Variants in ESPNL observed in about 807,000 individuals in gnomAD.
The protein encoded by ESPNL is espin like, also known as espin-like protein.
A neutral mutation model predicts 46.8 loss-of-function variants in ESPNL; 49 were observed. That is an observed-to-expected ratio of 1.05 (90% CI 0.83 to 1.33). The LOEUF (loss-of-function observed/expected upper bound fraction) is 1.33. Ranked by LOEUF, ESPNL falls within the 40% of genes most tolerant of loss-of-function variation. The pLI is 0.00. For synonymous variants in ESPNL, 664 were observed against 662.1 expected (o/e 1.00, Z -0.04); for missense variants, 1,540 against 1,436.6 (o/e 1.07, Z -1.16).
At chr2:238,112,921 T>A (rs1691742734) in intron 4 of ESPNL, among the ~76,000 whole-genome samples, 1 of 152,238 alleles carries the variant, frequency 6.6e-6, no homozygotes, top group Non-Finnish European at 1.5e-5. Context: ...TTTATCAACG[T>A]TGCATATGTT....
intron 5 of ESPNL, among the ~76,000 whole-genome samples, chr2:238,121,201 C>G (rs903287272): frequency 5.9e-5 from 9 of 152,212 alleles, no homozygotes; most frequent in African/African-American, 2.2e-4. Context: ...CCCCTCCCCT[C>G]TGCTAGCCAA....
intron 1 of ESPNL, 57 bp downstream of exon 1, chr2:238,100,770 G>A: frequency 7.3e-7 from 1 of 1,369,532 alleles, no homozygotes. Flanking sequence ...GAACCAGGGA[G>A]GTGTGAGCCA....
intron 2 of ESPNL, among the ~76,000 whole-genome samples, chr2:238,103,705 C>A (rs1040844817): frequency 2.6e-5 from 4 of 152,228 alleles, no homozygotes; most frequent in Non-Finnish European, 5.9e-5. Context: ...GGTGAAAGCA[C>A]GGATCCTCCC....
At position 238,130,069 on chromosome 2, in the gene ESPNL, G is replaced by T; in HGVS notation, c.1414-59G>T. 4 of 1,551,852 alleles carry T rather than the reference G, an allele frequency of 2.6e-6. No individual in the cohort carries two copies. The South Asian group carries it at 4.9e-5, about 19-fold the overall frequency. Reference sequence around the variant, plus strand: ...TGAGAACTCAGGGACTTGGAAGCTAGGTGGGCTGATGGTGGGTGGGTGGGC... The same window carrying T: ...TGAGAACTCAGGGACTTGGAAGCTATGTGGGCTGATGGTGGGTGGGTGGGC... On this transcript the variant is annotated intron_variant, in intron 8 of 8. Coordinates refer to ENST00000343063, the MANE Select transcript of ESPNL (RefSeq NM_194312.4).
At position 238,128,787 on chromosome 2, in the gene ESPNL, C is replaced by T. The variant is rs764172391; in HGVS notation, c.1296C>T (p.Ile432=). 1.2e-5 allele frequency: 19 copies of T among 1,576,172 alleles called. No individual in the cohort carries two copies. The South Asian group carries it at 2.0e-4, about 16-fold the overall frequency. Residue 432 remains isoleucine (I), a synonymous_variant, in exon 8 of 9, where the codon ATC becomes ATT. Coordinates refer to ENST00000343063, the MANE Select transcript of ESPNL (RefSeq NM_194312.4). ...TGGATGGGCTGCCCTCAGGCGACAT[C>T]GACGGGCTGGTGCCCACGCGGGATG... ...LQLDGLPSGD[I]DGLVPTRDER... is the part of the protein sequence containing the mutation.
chr2:238,127,444 C>A, intron 6 of ESPNL, 178 bp from the exon 7 acceptor site: 1 of 1,375,400 alleles, frequency 7.3e-7, no homozygotes, highest in Non-Finnish European at 9.4e-7. Flanking sequence ...CCACTGACTC[C>A]CCAGAGAAGG....
At position 238,100,353 on chromosome 2, in the gene ESPNL, T is replaced by C; in HGVS notation, c.-67T>C. 7.7e-7 allele frequency: 1 copy of C among 1,300,786 alleles called. No homozygotes were observed. Among genetic ancestry groups the C allele is most frequent in the Non-Finnish European group, 9.9e-7 (1 of 1,005,290 alleles). The allele number at this position is 1,300,786 out of a possible 1,614,324, so 80.6% of individuals were successfully genotyped here. A position where few individuals can be genotyped will look rare whatever the true frequency, so the allele number is the denominator to read the frequency against. On this transcript the variant is annotated 5_prime_UTR_variant, in exon 1 of 9. Transcript: ENST00000343063. ...TATCGGGTAACCAGAGCCGGCAGCT[T>C]CATCCACGTCTGAAACAGGAAGCCC...
intron 3 of ESPNL, among the ~76,000 whole-genome samples, chr2:238,106,575 G>A (rs1691603484): frequency 6.6e-6 from 1 of 152,222 alleles, no homozygotes; most frequent in South Asian, 2.1e-4. Flanking sequence ...CTCTGGACCT[G>A]GGTCCCACCC....
rs1017046368 is a variant in ESPNL, at chr2:238,101,880, G to C, written c.295-61G>C. On this transcript the variant is annotated intron_variant, in intron 1 of 8. Transcript: ENST00000343063. ...GAGCCCTCGCCCAGGGCCCACCTCC[G>C]GCAGCTGGCTCTGACCTCACGGCCT... 1.6e-5 allele frequency: 22 copies of C among 1,335,246 alleles called. No homozygotes were observed. In the African/African-American group the frequency reaches 2.6e-4, roughly 16 times the overall value. 82.7% of individuals were successfully genotyped at this position (1,335,246 alleles called of 1,614,324 possible).
intron 6 of ESPNL, 96 bp from the exon 7 acceptor site, chr2:238,127,526 G>C: frequency 6.9e-7 from 1 of 1,459,826 alleles, no homozygotes; most frequent in Non-Finnish European, 9.1e-7. Context: ...GATCGTTCAG[G>C]AGGTCAGCTC....
Position 238,130,195 on chromosome 2 carries a change from T to C in ESPNL, c.1481T>C (p.Ile494Thr), listed in dbSNP as rs369475426. The C allele has an allele frequency of 3.2e-5, 51 of 1,612,574 alleles. No individual in the cohort carries two copies. Among genetic ancestry groups the C allele is most frequent in the Non-Finnish European group, 4.2e-5 (50 of 1,179,854 alleles). Reference sequence around the variant, plus strand: ...AGGTACTCACAGACTCATCAGGCCATCCTGGGGCCCTTTGGGGAGCTGCTG... The same window carrying C: ...AGGTACTCACAGACTCATCAGGCCACCCTGGGGCCCTTTGGGGAGCTGCTG... Reference protein sequence around the residue: ...AWRYSQTHQAILGPFGELLTE... With the variant: ...AWRYSQTHQATLGPFGELLTE... Residue 494 changes from isoleucine (I) to threonine (T), a missense_variant, in exon 9 of 9, where the codon ATC becomes ACC. Ile to Thr is a moderately conservative substitution (Grantham distance 89). Transcript: ENST00000343063.
chr2:238,128,870 C>A lies in ESPNL; in HGVS notation c.1379C>A (p.Ala460Glu). 6.5e-7 allele frequency: 1 copy of A among 1,545,252 alleles called. No homozygotes were observed. Among genetic ancestry groups the A allele is most frequent in the Non-Finnish European group, 8.7e-7 (1 of 1,146,526 alleles). Reference protein sequence around the residue: ...KRQVMVRKLQARLGAESSAEA... With the variant: ...KRQVMVRKLQERLGAESSAEA... ...CAGGTGATGGTGCGGAAGCTGCAGGCGCGCCTGGGCGCAGAGAGCTCCGCA... is the reference window on the plus strand; with the variant it reads ...CAGGTGATGGTGCGGAAGCTGCAGGAGCGCCTGGGCGCAGAGAGCTCCGCA... Residue 460 changes from alanine (A) to glutamate (E), a missense_variant, in exon 8 of 9, where the codon GCG becomes GAG. Coordinates refer to ENST00000343063, the MANE Select transcript of ESPNL (RefSeq NM_194312.4).
At position 238,126,104 on chromosome 2, in the gene ESPNL, TTG is replaced by T. The variant is rs528237338; in HGVS notation, c.1102+726_1102+727del. ...TCTGTGTGTGACTATGTCTATGTGA[TTG>T]TGTGTCTCTGTGATTGATTGTGTCT... On this transcript the variant is annotated intron_variant, in intron 6 of 8. Transcript: ENST00000343063. 4.1e-3 allele frequency among the ~76,000 whole-genome samples: 615 copies of T among 151,484 alleles called. 2 individuals are homozygous for T. The highest frequency in any genetic ancestry group is 5.8e-3 in the African/African-American group (237 of 41,140).
intron 6 of ESPNL, among the ~76,000 whole-genome samples, chr2:238,126,985 CTATCTGTGTGTGATTGTG>C (rs1270299274): frequency 9.3e-6 from 1 of 107,226 alleles, no homozygotes; most frequent in Non-Finnish European, 2.2e-5. Context: ...GTGATTGTGT[CTATCTGTGTGTGATTGTG>C]TATCTGTGTG....
intron 1 of ESPNL, among the ~76,000 whole-genome samples, chr2:238,101,166 C>A (rs1291910841): frequency 6.6e-6 from 1 of 152,192 alleles, no homozygotes; most frequent in African/African-American, 2.4e-5. Context: ...GGCCCCCCTC[C>A]CCTATCCTGC....
intron 5 of ESPNL, among the ~76,000 whole-genome samples, chr2:238,117,699 G>A (rs1559262981): frequency 6.6e-6 from 1 of 152,238 alleles, no homozygotes; most frequent in African/African-American, 2.4e-5. Context: ...CCCTTAGAAC[G>A]TGACAGAGCT....
In ESPNL at chr2:238,125,310, C is replaced by T. The variant is rs545926428; in HGVS notation, c.1028C>T (p.Pro343Leu). The change falls in exon 6 of 9, where the codon CCA becomes CTA. Residue 343 changes from proline (P) to leucine (L), a missense_variant. Coordinates refer to ENST00000343063, the MANE Select transcript of ESPNL (RefSeq NM_194312.4). ...LMTPPPPPFP[P>L]PPLLATRRSL... ...ACGCCCCCACCACCACCGTTCCCCC[C>T]ACCTCCACTGTTGGCCACGAGGCGC... 7 of 1,566,902 alleles carry T rather than the reference C, an allele frequency of 4.5e-6. No individual in the cohort carries two copies. Among genetic ancestry groups the T allele is most frequent in the Non-Finnish European group, 6.1e-6 (7 of 1,156,532 alleles).
Position 238,131,104 on chromosome 2 carries a change from T to TG in ESPNL, c.2391dup (p.Trp798ValfsTer165), listed in dbSNP as rs1692317965. Reference sequence around the variant, plus strand: ...AGCGAGGGCCCCCGGCTGGGCCACCTGTGGCAGCAGCGCAGCACCATCACC... The same window carrying TG: ...AGCGAGGGCCCCCGGCTGGGCCACCTGGTGGCAGCAGCGCAGCACCATCACC... On this transcript the variant is annotated frameshift_variant, in exon 9 of 9. Coordinates refer to ENST00000343063, the MANE Select transcript of ESPNL (RefSeq NM_194312.4). LOFTEE classifies it low-confidence loss of function (END_TRUNC). 6.5e-7 allele frequency: 1 copy of TG among 1,543,454 alleles called. No individual in the cohort carries two copies. Among genetic ancestry groups the TG allele is most frequent in the Non-Finnish European group, 8.7e-7 (1 of 1,146,026 alleles).
At chr2:238,119,133 T>G (rs1315235008) in intron 5 of ESPNL, among the ~76,000 whole-genome samples, 36 of 6,060 alleles carry the variant, frequency 5.9e-3, no homozygotes, top group East Asian at 7.5e-3. Flanking sequence ...GATGAAGGCC[T>G]TGGATGGAGG....
Sources: gnomAD v4.1 joint callset for allele counts (sites outside exome capture counted in the v4.1 genomes callset) on GRCh38, gnomAD v4.1.1 for gene constraint, MANE v1.5 for transcripts, NCBI Gene and HGNC (gene_info 2026-07-23, HGNC 2026-07-21) for gene names.